The following SAMD4A variants were observed in gnomAD, a reference collection of about 807,000 sequenced individuals.
SAMD4A encodes protein Smaug homolog 1.
In SAMD4A, 33 loss-of-function variants were observed where a neutral mutation model predicts 81.3. That is an observed-to-expected ratio of 0.41 (90% CI 0.31 to 0.54). The LOEUF is 0.54. Ranked by LOEUF, SAMD4A falls within the 20% of genes least tolerant of loss-of-function variation. SAMD4A has a pLI of 0.37. For synonymous variants in SAMD4A, 389 were observed against 382.1 expected, an observed-to-expected ratio of 1.02 and a Z score of -0.21; for missense variants, 854 against 951.1, an observed-to-expected ratio of 0.90 and a Z score of 1.34.
chr14:54,741,741 G>A lies in SAMD4A; in HGVS notation c.979+4454G>A, dbSNP rs556742681. Among the ~76,000 whole-genome samples the A allele has an allele frequency of 2.0e-5, 3 of 152,268 alleles. No individual in the cohort carries two copies. In the South Asian group the frequency reaches 6.2e-4, roughly 32 times the overall value. ...AAGGAAAGTTCCTAGAGGAGGAGAG[G>A]CCTAGAGCTGAGTCTCAGAGCATGA... On this transcript the variant is annotated intron_variant, in intron 4 of 12. Coordinates refer to ENST00000554335, the MANE Select transcript of SAMD4A (RefSeq NM_015589.6).
At chr14:54,665,607 G>C (rs981622578) in intron 2 of SAMD4A, among the ~76,000 whole-genome samples, 3 of 152,266 alleles carry the variant, frequency 2.0e-5, no homozygotes, top group South Asian at 2.1e-4. Context: ...TGCCTGTCAG[G>C]GCATAGATCC....
Position 54,751,483 on chromosome 14 carries a change from C to G in SAMD4A, c.1122C>G (p.Val374=). ...CCAAAGGTGCAAGACACAAAATTGTCATCAGTATTCAGAAGCTCAAAGAAA... is the reference window on the plus strand; with the variant it reads ...CCAAAGGTGCAAGACACAAAATTGTGATCAGTATTCAGAAGCTCAAAGAAA... ...NVTKGARHKI[V]ISIQKLKERQ... Residue 374 remains valine, a synonymous_variant, in exon 6 of 13, where the codon GTC becomes GTG. Coordinates refer to ENST00000554335, the MANE Select transcript of SAMD4A (RefSeq NM_015589.6). 6.2e-7 allele frequency: 1 copy of G among 1,607,388 alleles called. No homozygotes were observed. The highest frequency in any genetic ancestry group is 8.5e-7 in the Non-Finnish European group (1 of 1,175,486).
intron 2 of SAMD4A, among the ~76,000 whole-genome samples, chr14:54,671,035 G>A (rs1283473418): frequency 2.6e-5 from 4 of 152,052 alleles, no homozygotes; most frequent in Non-Finnish European, 5.9e-5. Flanking sequence ...TGGCTGAGGG[G>A]ACCCAAGTTG....
chr14:54,648,879 T>G (rs898882198), intron 2 of SAMD4A, among the ~76,000 whole-genome samples: 4 of 152,082 alleles, frequency 2.6e-5, no homozygotes, highest in Admixed American at 1.3e-4. Flanking sequence ...TCATTTAGGT[T>G]GTTTCAGTAC....
intron 2 of SAMD4A, among the ~76,000 whole-genome samples, chr14:54,636,024 G>A (rs140801822): frequency 1.3e-5 from 2 of 152,282 alleles, no homozygotes; most frequent in Non-Finnish European, 2.9e-5. Flanking sequence ...GAAGCAATAC[G>A]TAGCGTAAGG....
In SAMD4A at chr14:54,602,323, T is replaced by TACACAC. The variant is rs3049830; in HGVS notation, c.196+34258_196+34263dup. On this transcript the variant is annotated intron_variant, in intron 2 of 12. Coordinates refer to ENST00000554335, the MANE Select transcript of SAMD4A (RefSeq NM_015589.6). The stretch of plus-strand genomic sequence containing the variant: ...CCATTGCTAGAGGACTGCTTTAAAA[T>TACACAC]ACACACACACACACACACACACACA... 5.9e-3 allele frequency among the ~76,000 whole-genome samples: 803 copies of TACACAC among 136,620 alleles called. 5 individuals are homozygous for TACACAC. The highest frequency in any genetic ancestry group is 0.015 in the Middle Eastern group (4 of 272). The allele number at this position is 136,620 out of a possible 152,430, so 89.6% of individuals were successfully genotyped here.
intron 4 of SAMD4A, among the ~76,000 whole-genome samples, chr14:54,741,221 T>G (rs1468693180): frequency 6.6e-6 from 1 of 152,206 alleles, no homozygotes; most frequent in African/African-American, 2.4e-5. Flanking sequence ...TGTTGCCTCT[T>G]GTCTCATACA....
At position 54,715,439 on chromosome 14, in the gene SAMD4A, T is replaced by C. The variant is rs540578340; in HGVS notation, c.715+12859T>C. Among the ~76,000 whole-genome samples the C allele has an allele frequency of 1.1e-4, 16 of 152,236 alleles. No individual in the cohort carries two copies. In the East Asian group the frequency reaches 2.9e-3, roughly 28 times the overall value. On this transcript the variant is annotated intron_variant, in intron 3 of 12. Transcript: ENST00000554335. Reference sequence around the variant, plus strand: ...TGAAATGTCTAGGAGAAGTGGGATGTGACAAAGCCAGGAAGAGAGCCTCCT... The same window carrying C: ...TGAAATGTCTAGGAGAAGTGGGATGCGACAAAGCCAGGAAGAGAGCCTCCT...
In SAMD4A at chr14:54,776,476, C is replaced by A; in HGVS notation, c.1980C>A (p.Val660=). ...NSMPSRTHSS[V]QRTRSLPVHT... is the part of the protein sequence containing the mutation. ...TGCCAAGCCGCACCCACAGCTCAGT[C>A]CAGAGGACCCGCTCGCTGCCCGTGC... Residue 660 remains valine, a synonymous_variant, in exon 11 of 13, where the codon GTC becomes GTA. Transcript: ENST00000554335. 2 of 1,596,870 alleles carry A rather than the reference C, an allele frequency of 1.3e-6. No individual in the cohort carries two copies. The highest frequency in any genetic ancestry group is 1.1e-5 in the South Asian group (1 of 88,230).
chr14:54,702,582 T>C lies in SAMD4A; in HGVS notation c.715+2T>C. On this transcript the variant is annotated splice_donor_variant, in intron 3 of 12. Coordinates refer to ENST00000554335, the MANE Select transcript of SAMD4A (RefSeq NM_015589.6). LOFTEE classifies it high-confidence loss of function. Reference sequence around the variant, plus strand: ...CGATTGGAACCAGCACAAGTACAAGTAAGTTCCCCGGAATCCCTTTAACGT... The same window carrying C: ...CGATTGGAACCAGCACAAGTACAAGCAAGTTCCCCGGAATCCCTTTAACGT... The C allele has an allele frequency of 6.2e-7, 1 of 1,613,508 alleles. No individual in the cohort carries two copies. The highest frequency in any genetic ancestry group is 8.5e-7 in the Non-Finnish European group (1 of 1,179,584).
At chr14:54,757,427 GTTT>G (rs1205308455) in intron 6 of SAMD4A, among the ~76,000 whole-genome samples, 8 of 126,596 alleles carry the variant, frequency 6.3e-5, no homozygotes, top group South Asian at 2.6e-4. Context: ...GTGTGTGTGT[GTTT>G]TGTTTTGTTT....
At position 54,765,650 on chromosome 14, in the gene SAMD4A, C is replaced by A. The variant is rs59648567; in HGVS notation, c.1596+1110C>A. 8.1e-3 allele frequency among the ~76,000 whole-genome samples: 1,238 copies of A among 152,184 alleles called. 23 individuals carry two copies. Among genetic ancestry groups the A allele is most frequent in the African/African-American group, 0.028 (1,164 of 41,516 alleles). On this transcript the variant is annotated intron_variant, in intron 8 of 12. Coordinates refer to ENST00000554335, the MANE Select transcript of SAMD4A (RefSeq NM_015589.6). Reference sequence around the variant, plus strand: ...CGGGGAAAAAAAAAAATAGTAAAGGCCCCAGGCCTCCTCACCTTTGCTGCA... The same window carrying A: ...CGGGGAAAAAAAAAAATAGTAAAGGACCCAGGCCTCCTCACCTTTGCTGCA...
At chr14:54,785,962 C>T (rs1238354809) in intron 12 of SAMD4A, among the ~76,000 whole-genome samples, 1 of 152,212 alleles carries the variant, frequency 6.6e-6, no homozygotes, top group Non-Finnish European at 1.5e-5. Context: ...CTGCCTTGGC[C>T]ATTCAGATCT....
intron 2 of SAMD4A, among the ~76,000 whole-genome samples, chr14:54,581,814 C>T (rs186573527): frequency 6.6e-6 from 1 of 152,052 alleles, no homozygotes; most frequent in Non-Finnish European, 1.5e-5. Context: ...AAACTTAAAC[C>T]CATTCAGTGC....
intron 11 of SAMD4A, 61 bp downstream of exon 11, chr14:54,776,601 C>G (rs1224469194): frequency 4.2e-6 from 6 of 1,441,176 alleles, no homozygotes; most frequent in Non-Finnish European, 5.5e-6. Context: ...GATGCCCTAG[C>G]AAACCCAGCC....
At position 54,793,261 on chromosome 14, in the gene SAMD4A, TCAA is replaced by T. The variant is rs2039289401; in HGVS notation, c.*4319_*4321del. 6.6e-6 allele frequency: 1 copy of T among 152,218 alleles called. No homozygotes were observed. The highest frequency in any genetic ancestry group is 2.4e-5 in the African/African-American group (1 of 41,464). 9.4% of individuals were successfully genotyped at this position (152,218 alleles called of 1,614,324 possible). On this transcript the variant is annotated 3_prime_UTR_variant, in exon 13 of 13. Coordinates refer to ENST00000554335, the MANE Select transcript of SAMD4A (RefSeq NM_015589.6). ...CTAAGAATCATGGCTATATTTCATATCAACGTTATATTGAAAGTGAAGGGAAAT... is the reference window on the plus strand; with the variant it reads ...CTAAGAATCATGGCTATATTTCATATCGTTATATTGAAAGTGAAGGGAAAT...
intron 2 of SAMD4A, among the ~76,000 whole-genome samples, chr14:54,648,913 C>T (rs1437597184): frequency 1.3e-5 from 2 of 152,054 alleles, no homozygotes; most frequent in African/African-American, 4.8e-5. Flanking sequence ...GGCGGTGGCT[C>T]AGACAGGATA....
intron 2 of SAMD4A, among the ~76,000 whole-genome samples, chr14:54,637,299 A>T (rs1320899472): frequency 1.5e-5 from 2 of 130,386 alleles, no homozygotes; most frequent in East Asian, 5.4e-4. Flanking sequence ...CGGGAGGTGG[A>T]GGTTTCAGTG....
chr14:54,658,042 C>G (rs916262317), intron 2 of SAMD4A, among the ~76,000 whole-genome samples: 1 of 152,200 alleles, frequency 6.6e-6, no homozygotes, highest in Non-Finnish European at 1.5e-5. Flanking sequence ...GCCGTGGTGG[C>G]TGACGCCTGT....
Sources: allele counts gnomAD v4.1 joint callset (sites outside exome capture counted in the v4.1 genomes callset), GRCh38; gene constraint gnomAD v4.1.1; transcripts MANE v1.5; gene names NCBI Gene and HGNC (gene_info 2026-07-23, HGNC 2026-07-21).